The following PRH1 variants were observed in gnomAD, a reference collection of about 807,000 sequenced individuals.
The protein encoded by PRH1 is salivary acidic proline-rich phosphoprotein 1/2.
Under a neutral mutation model 7.9 loss-of-function variants are expected in PRH1, and 7 were observed. The ratio of observed to expected loss-of-function variants is 0.89; its 90% CI spans 0.50 to 1.67. PRH1 has a LOEUF of 1.67. PRH1 is among the 40% of genes most tolerant of loss of function. The pLI is 0.00. For synonymous variants in PRH1, 45 were observed against 80.8 expected (o/e 0.56, Z 2.38); for missense variants, 109 against 223.6 (o/e 0.49, Z 3.27).
At chr12:11,162,237 T>C (rs1013758394) in intron 1 of PRH1, among the ~76,000 whole-genome samples, 1 of 152,146 alleles carries the variant, frequency 6.6e-6, no homozygotes, top group African/African-American at 2.4e-5. Context: ...GGAACTTCCC[T>C]GTAAATCCAG....
At chr12:10,938,644 G>GA (rs752246696) in intron 2 of PRH1, 3 of 1,613,924 alleles carry the variant, frequency 1.9e-6, no homozygotes, top group Non-Finnish European at 2.5e-6. Context: ...TAAAGGGTAT[G>GA]AAAATGAACA....
intron 2 of PRH1, among the ~76,000 whole-genome samples, chr12:10,900,964 C>G (rs1420647735): frequency 1.3e-5 from 2 of 152,128 alleles, no homozygotes; most frequent in Non-Finnish European, 2.9e-5. Context: ...CCAGGCAGAA[C>G]TCTAGATATC....
At chr12:11,030,519 A>G (rs1942143183) in intron 1 of PRH1, 1 of 1,614,130 alleles carries the variant, frequency 6.2e-7, no homozygotes, top group Non-Finnish European at 8.5e-7. Flanking sequence ...GGGTGGATTG[A>G]AGGATAGCTG....
At chr12:11,132,298 A>G (rs1462375382) in intron 1 of PRH1, among the ~76,000 whole-genome samples, 1 of 152,296 alleles carries the variant, frequency 6.6e-6, no homozygotes, top group Admixed American at 6.5e-5. Flanking sequence ...GTTTCACTGA[A>G]TTATTTTCCA....
chr12:10,925,767 A>T (rs555406238), intron 2 of PRH1, among the ~76,000 whole-genome samples: 6 of 152,322 alleles, frequency 3.9e-5, no homozygotes, highest in African/African-American at 1.4e-4. Context: ...TCTGAACCTC[A>T]TTCCTTCTCA....
At chr12:10,996,211 C>T (rs1940224274) in intron 1 of PRH1, among the ~76,000 whole-genome samples, 2 of 151,878 alleles carry the variant, frequency 1.3e-5, no homozygotes, top group Admixed American at 6.6e-5. Context: ...TGCCTGGAGT[C>T]CCAGCCACTC....
intron 1 of PRH1, among the ~76,000 whole-genome samples, chr12:11,079,343 T>C (rs1426701487): frequency 8.8e-6 from 1 of 113,770 alleles, no homozygotes; most frequent in Non-Finnish European, 2.1e-5. Flanking sequence ...CTCTTTTCCA[T>C]TTACCGTGAG....
At chr12:10,964,717 A>G (rs1313720093) in intron 2 of PRH1, 4 of 661,424 alleles carry the variant, frequency 6.0e-6, no homozygotes, top group East Asian at 3.8e-5. Flanking sequence ...ATCCTTTGCC[A>G]TGGAACTGCA....
intron 1 of PRH1, among the ~76,000 whole-genome samples, chr12:11,084,446 A>G (rs998125730): frequency 2.0e-4 from 24 of 119,534 alleles, no homozygotes; most frequent in African/African-American, 7.4e-4. Context: ...GTGTGTCTAT[A>G]TGTATTCTGA....
At chr12:10,970,763 C>T (rs970759963) in intron 2 of PRH1, among the ~76,000 whole-genome samples, 3 of 151,988 alleles carry the variant, frequency 2.0e-5, no homozygotes, top group Non-Finnish European at 2.9e-5. Context: ...TACGGGCTTT[C>T]ACCATGTTGG....
chr12:11,169,503 G>A (rs1947746059), intron 1 of PRH1, among the ~76,000 whole-genome samples: 1 of 152,176 alleles, frequency 6.6e-6, no homozygotes, highest in African/African-American at 2.4e-5. Context: ...CGGTCTCAGG[G>A]TGGAAGATAA....
intron 2 of PRH1, chr12:10,929,162 G>A: frequency 7.1e-7 from 1 of 1,400,708 alleles, no homozygotes; most frequent in Admixed American, 1.8e-5. Context: ...GAGGCGAGGA[G>A]GCCCACCTGG....
chr12:10,924,027 G>C (rs545336657), intron 2 of PRH1, among the ~76,000 whole-genome samples: 5 of 109,236 alleles, frequency 4.6e-5, no homozygotes, highest in Admixed American at 3.0e-4. Context: ...ACGGAGTCTC[G>C]CTCTGTCGCC....
At chr12:11,015,475 T>C (rs1319342151) in intron 1 of PRH1, among the ~76,000 whole-genome samples, 3 of 152,146 alleles carry the variant, frequency 2.0e-5, no homozygotes, top group Non-Finnish European at 4.4e-5. Flanking sequence ...TGCCCCTCAG[T>C]TGAATTCTTT....
In PRH1 at chr12:10,919,221, A is replaced by T. The variant is rs931792410; in HGVS notation, c.-58-34946T>A. ...TATTGCAGGGTTAATTTTTCTTCAC[A>T]TATTTAAGATGGAAAAATCTATCTC... On this transcript the variant is annotated intron_variant, in intron 2 of 3. Coordinates refer to the PRH1 transcript ENST00000539853. Among the ~76,000 whole-genome samples, 82 of 152,174 alleles carry T rather than the reference A, an allele frequency of 5.4e-4. 2 individuals are homozygous for T. Among genetic ancestry groups the T allele is most frequent in the Non-Finnish European group, 6.3e-4 (43 of 68,036 alleles).
At chr12:10,972,225 C>T (rs1350437924) in intron 2 of PRH1, among the ~76,000 whole-genome samples, 1 of 152,000 alleles carries the variant, frequency 6.6e-6, no homozygotes, top group Non-Finnish European at 1.5e-5. Flanking sequence ...GTAAACTTCC[C>T]ATGAACTGAA....
intron 2 of PRH1, among the ~76,000 whole-genome samples, chr12:10,905,770 G>A (rs762166879): frequency 1.6e-4 from 24 of 152,110 alleles, no homozygotes; most frequent in Non-Finnish European, 2.6e-4. Flanking sequence ...GCAGCAGCAC[G>A]GATGCAGCTA....
chr12:10,959,667 A>G (rs1042210962), intron 2 of PRH1, among the ~76,000 whole-genome samples: 3 of 152,190 alleles, frequency 2.0e-5, no homozygotes, highest in African/African-American at 7.2e-5. Context: ...AATTATATAT[A>G]GATCATCATA....
At chr12:10,990,653 C>G (rs1939890602) in intron 1 of PRH1, among the ~76,000 whole-genome samples, 1 of 152,130 alleles carries the variant, frequency 6.6e-6, no homozygotes, top group Non-Finnish European at 1.5e-5. Flanking sequence ...TGGCTGCTAT[C>G]TTGAGAGTAC....
Sources: allele counts gnomAD v4.1 joint callset (sites outside exome capture counted in the v4.1 genomes callset), GRCh38; gene constraint gnomAD v4.1.1; transcripts MANE v1.5; gene names NCBI Gene and HGNC (gene_info 2026-07-23, HGNC 2026-07-21).